The following STPG2 variants were observed in gnomAD, a reference collection of about 807,000 sequenced individuals.
STPG2 encodes the protein sperm-tail PG-rich repeat-containing protein 2.
Under a neutral mutation model 54.2 loss-of-function variants are expected in STPG2, and 56 were observed. The ratio of observed to expected loss-of-function variants is 1.03; its 90% CI spans 0.83 to 1.29. The LOEUF is 1.29. Ranked by LOEUF, STPG2 falls within the 50% of genes most tolerant of loss-of-function variation. STPG2 has a pLI of 0.00. For missense variants in STPG2, 596 were observed against 544.9 expected, an observed-to-expected ratio of 1.09 and a Z score of -0.93; for synonymous variants, 200 against 181.8, an observed-to-expected ratio of 1.10 and a Z score of -0.81.
chr4:97,482,609 A>C (rs1730250662), intron 4 of STPG2, among the ~76,000 whole-genome samples: 1 of 151,692 alleles, frequency 6.6e-6, no homozygotes, highest in Non-Finnish European at 1.5e-5. Context: ...GAAGGAGAGA[A>C]ATCTAAAAGT....
chr4:97,922,473 C>A (rs1388833199), intron 8 of STPG2, among the ~76,000 whole-genome samples: 2 of 152,040 alleles, frequency 1.3e-5, no homozygotes, highest in African/African-American at 2.4e-5. Flanking sequence ...TTTGAAGAAA[C>A]TGAGAATGCC....
intron 8 of STPG2, among the ~76,000 whole-genome samples, chr4:97,870,403 T>C (rs1403028850): frequency 6.6e-6 from 1 of 151,334 alleles, no homozygotes; most frequent in African/African-American, 2.4e-5. Flanking sequence ...ATACATACAA[T>C]TATATGAACA....
intron 9 of STPG2, among the ~76,000 whole-genome samples, chr4:97,748,418 T>C (rs556708517): frequency 2.0e-5 from 3 of 151,614 alleles, no homozygotes; most frequent in Admixed American, 6.6e-5. Context: ...TGAAAGAAAA[T>C]TGAATAGCTC....
intron 8 of STPG2, among the ~76,000 whole-genome samples, chr4:97,915,104 C>T (rs1304697074): frequency 6.6e-6 from 1 of 152,110 alleles, no homozygotes. Context: ...TTAATTTAAT[C>T]CCACAGTTTA....
At position 97,695,245 on chromosome 4, in the gene STPG2, A is replaced by G. The variant is rs189402639; in HGVS notation, c.1320+17454T>C. ...ATAAACAGAATTAAAAACAAAAATC[A>G]GATGATCATCTCAATAGATACAGAA... On this transcript the variant is annotated intron_variant, in intron 10 of 10. Coordinates refer to ENST00000295268, the MANE Select transcript of STPG2 (RefSeq NM_174952.3). Among the ~76,000 whole-genome samples the G allele has an allele frequency of 5.0e-3, 768 of 152,300 alleles. 4 individuals carry two copies. The highest frequency in any genetic ancestry group is 8.6e-3 in the Non-Finnish European group (588 of 68,022).
At chr4:97,850,220 A>G (rs1429153112) in intron 8 of STPG2, among the ~76,000 whole-genome samples, 2 of 131,574 alleles carry the variant, frequency 1.5e-5, no homozygotes, top group East Asian at 2.4e-4. Flanking sequence ...GAATTGAACA[A>G]TGAGATCACA....
chr4:97,927,361 A>T (rs977740552), intron 8 of STPG2, among the ~76,000 whole-genome samples: 1 of 152,068 alleles, frequency 6.6e-6, no homozygotes, highest in Non-Finnish European at 1.5e-5. Flanking sequence ...CTAGCCAATG[A>T]TTGCCCTTTC....
At chr4:98,121,494 A>G (rs1034286995) in intron 3 of STPG2, among the ~76,000 whole-genome samples, 1 of 150,874 alleles carries the variant, frequency 6.6e-6, no homozygotes, top group Admixed American at 6.6e-5. Flanking sequence ...AGCCTTTTTC[A>G]TGATATGGAT....
chr4:97,741,396 C>T (rs1325084376), intron 9 of STPG2, among the ~76,000 whole-genome samples: 3 of 151,898 alleles, frequency 2.0e-5, no homozygotes, highest in East Asian at 1.9e-4. Context: ...TTCTGCACAG[C>T]AAAAGAAACT....
At chr4:97,478,512 G>T (rs1730133766) in intron 4 of STPG2, among the ~76,000 whole-genome samples, 1 of 151,774 alleles carries the variant, frequency 6.6e-6, no homozygotes, top group Non-Finnish European at 1.5e-5. Flanking sequence ...CAATTAGTAG[G>T]GCAGTATTTG....
chr4:97,889,407 G>A (rs1730687412), intron 8 of STPG2, among the ~76,000 whole-genome samples: 1 of 152,088 alleles, frequency 6.6e-6, no homozygotes, highest in South Asian at 2.1e-4. Context: ...GTCAAGATAT[G>A]GAATAAACCT....
chr4:97,864,543 C>T (rs1382528873), intron 8 of STPG2, among the ~76,000 whole-genome samples: 1 of 152,078 alleles, frequency 6.6e-6, no homozygotes, highest in Non-Finnish European at 1.5e-5. Flanking sequence ...TCAATGCCAT[C>T]CCCATCAAGC....
intron 10 of STPG2, among the ~76,000 whole-genome samples, chr4:97,674,244 G>A (rs10513769): frequency 6.6e-6 from 1 of 151,834 alleles, no homozygotes; most frequent in Non-Finnish European, 1.5e-5. Context: ...ACGTAACAGA[G>A]GTTCACACAT....
intron 9 of STPG2, among the ~76,000 whole-genome samples, chr4:97,736,150 A>C (rs1724981259): frequency 6.6e-6 from 1 of 152,206 alleles, no homozygotes; most frequent in African/African-American, 2.4e-5. Context: ...AGAAATTAAA[A>C]ATAGAACTAT....
chr4:97,594,926 C>T lies in STPG2; in HGVS notation c.1321-35809G>A, dbSNP rs529843082. The stretch of plus-strand genomic sequence containing the variant: ...TACCATCTCACACCAGTTAGAATGG[C>T]GATCATTAAAAAGTCAGGAAACAAC... On this transcript the variant is annotated intron_variant, in intron 10 of 10. Transcript: ENST00000295268. 5.3e-3 allele frequency among the ~76,000 whole-genome samples: 800 copies of T among 152,142 alleles called. 1 individual carries two copies. The highest frequency in any genetic ancestry group is 8.3e-3 in the African/African-American group (344 of 41,486).
chr4:98,091,413 A>G (rs1738680413), intron 5 of STPG2, among the ~76,000 whole-genome samples: 4 of 152,058 alleles, frequency 2.6e-5, no homozygotes, highest in Admixed American at 2.6e-4. Context: ...TGGCTTTACA[A>G]ATCCTCATTG....
intron 5 of STPG2, among the ~76,000 whole-genome samples, chr4:97,997,890 T>G (rs1337045796): frequency 1.3e-5 from 2 of 152,096 alleles, no homozygotes; most frequent in Non-Finnish European, 2.9e-5. Context: ...AATTTACCTA[T>G]ATAACAAACC....
At chr4:98,112,182 T>A (rs1442718921) in intron 3 of STPG2, among the ~76,000 whole-genome samples, 3 of 152,124 alleles carry the variant, frequency 2.0e-5, no homozygotes, top group African/African-American at 7.2e-5. Flanking sequence ...ACTGCATATA[T>A]GACAATGGAC....
intron 2 of STPG2, among the ~76,000 whole-genome samples, chr4:98,132,304 A>G (rs1740015982): frequency 6.7e-6 from 1 of 148,336 alleles, no homozygotes; most frequent in Non-Finnish European, 1.5e-5. Context: ...TTATTTACTT[A>G]TAAAATAACT....
Sources: allele counts gnomAD v4.1 joint callset (sites outside exome capture counted in the v4.1 genomes callset), GRCh38; gene constraint gnomAD v4.1.1; transcripts MANE v1.5; gene names NCBI Gene and HGNC (gene_info 2026-07-23, HGNC 2026-07-21).